SYNPO2: variants seen among roughly 807,000 people sequenced by gnomAD.
SYNPO2 encodes synaptopodin-2.
In SYNPO2, 56 loss-of-function variants were observed where a neutral mutation model predicts 85.0. That is an observed-to-expected ratio of 0.66 (90% CI 0.53 to 0.82). The LOEUF (loss-of-function observed/expected upper bound fraction) is 0.82. SYNPO2 is among the 40% of genes least tolerant of loss of function. The pLI, the probability that SYNPO2 is intolerant of heterozygous loss-of-function variation, is 0.00. For synonymous variants in SYNPO2, 602 were observed against 591.1 expected, an observed-to-expected ratio of 1.02 and a Z score of -0.27; for missense variants, 1,575 against 1,534.2, an observed-to-expected ratio of 1.03 and a Z score of -0.44.
rs1738338092 is a variant in SYNPO2, at chr4:119,032,801, C to A, written c.3252+774C>A. ...TTGGGAGGCTGAGGTAGGAGGACTGCTTGAGGCCGGGAGTTGGAGACCAGC... is the reference window on the plus strand; with the variant it reads ...TTGGGAGGCTGAGGTAGGAGGACTGATTGAGGCCGGGAGTTGGAGACCAGC... On this transcript the variant is annotated intron_variant, in intron 4 of 4. Transcript: ENST00000307142. The A allele has an allele frequency of 1.0e-5, 9 of 873,750 alleles. No individual in the cohort carries two copies. In the South Asian group the frequency reaches 4.2e-4, roughly 41 times the overall value. The allele number at this position is 873,750 out of a possible 1,614,324, so 54.1% of individuals were successfully genotyped here. A position where few individuals can be genotyped will look rare whatever the true frequency, so the allele number is the denominator to read the frequency against.
Position 119,031,786 on chromosome 4 carries a change from A to AAGCT in SYNPO2, c.3012_3015dup (p.Leu1006SerfsTer109). The AAGCT allele has an allele frequency of 6.2e-7, 1 of 1,614,184 alleles. No homozygotes were observed. The highest frequency in any genetic ancestry group is 8.5e-7 in the Non-Finnish European group (1 of 1,180,026). ...GTCAATTCAGCCCTGGCCATGAAGC[A>AAGCT]AGCTCTTCCTCCCCGGCCAGTGAAT... is the stretch of plus-strand genomic sequence containing the variant. On this transcript the variant is annotated frameshift_variant, in exon 4 of 5. Coordinates refer to ENST00000307142, the MANE Select transcript of SYNPO2 (RefSeq NM_133477.3). LOFTEE classifies it high-confidence loss of function.
At chr4:118,895,488 A>G (rs1428721424) in intron 1 of SYNPO2, among the ~76,000 whole-genome samples, 1 of 152,140 alleles carries the variant, frequency 6.6e-6, no homozygotes, top group Admixed American at 6.5e-5. Flanking sequence ...GAGCATGTGT[A>G]TGGTTTCTTC....
intron 1 of SYNPO2, among the ~76,000 whole-genome samples, chr4:118,990,497 G>A (rs1367420804): frequency 6.6e-6 from 1 of 152,182 alleles, no homozygotes; most frequent in African/African-American, 2.4e-5. Flanking sequence ...GAACAAAACA[G>A]ACATGGTCCT....
At chr4:119,036,092 A>G (rs1430259816) in intron 4 of SYNPO2, 3 of 985,286 alleles carry the variant, frequency 3.0e-6, no homozygotes, top group Non-Finnish European at 3.6e-6. Flanking sequence ...GGCTCCTGCA[A>G]GCACCCCCAT....
intron 1 of SYNPO2, among the ~76,000 whole-genome samples, chr4:118,855,708 T>A (rs1415949110): frequency 6.6e-6 from 1 of 152,178 alleles, no homozygotes; most frequent in Non-Finnish European, 1.5e-5. Flanking sequence ...ATATTAGAGA[T>A]GTTTATGACT....
intron 4 of SYNPO2, among the ~76,000 whole-genome samples, chr4:119,040,439 T>A (rs1308626032): frequency 6.6e-6 from 1 of 152,252 alleles, no homozygotes; most frequent in Non-Finnish European, 1.5e-5. Flanking sequence ...ATTCAGCCTG[T>A]TTGTCCATTT....
At chr4:119,022,249 A>G (rs1737749790) in intron 1 of SYNPO2, among the ~76,000 whole-genome samples, 1 of 152,100 alleles carries the variant, frequency 6.6e-6, no homozygotes, top group Non-Finnish European at 1.5e-5. Context: ...TCACCTTGGC[A>G]ATGGGAAGGA....
rs551221736 is a variant in SYNPO2, at chr4:118,977,278, C to T, written c.106-46152C>T. Among the ~76,000 whole-genome samples, 264 of 152,370 alleles carry T rather than the reference C, an allele frequency of 1.7e-3. 1 individual carries two copies. The highest frequency in any genetic ancestry group is 6.3e-3 in the African/African-American group (262 of 41,590). ...GCTGGGGGACTCAGTACACCCTCTG[C>T]AGCCACTGGCCTGGGTGCTAAGTCC... On this transcript the variant is annotated intron_variant, in intron 1 of 4. Coordinates refer to ENST00000307142, the MANE Select transcript of SYNPO2 (RefSeq NM_133477.3).
intron 1 of SYNPO2, among the ~76,000 whole-genome samples, chr4:119,012,309 G>A (rs1188566327): frequency 6.6e-6 from 1 of 151,338 alleles, no homozygotes. Context: ...GTGATCTTTA[G>A]CCTGAATTGG....
chr4:118,888,263 TTC>T (rs1156575565), upstream of SYNPO2, among the ~76,000 whole-genome samples: 1 of 152,226 alleles, frequency 6.6e-6, no homozygotes, highest in Non-Finnish European at 1.5e-5. Flanking sequence ...CATATTCATT[TTC>T]TCTCTTTCTC....
At chr4:118,973,666 T>C (rs773375441) in intron 1 of SYNPO2, among the ~76,000 whole-genome samples, 1 of 152,166 alleles carries the variant, frequency 6.6e-6, no homozygotes, top group Admixed American at 6.5e-5. Flanking sequence ...CAAATGCCAG[T>C]TCATAGCCAA....
chr4:119,027,473 G>A, intron 3 of SYNPO2, 35 bp downstream of exon 3: 2 of 1,503,066 alleles, frequency 1.3e-6, no homozygotes, highest in Non-Finnish European at 8.9e-7. Flanking sequence ...AGGGGCTTGG[G>A]AGTTGGGGGC....
chr4:118,975,069 C>A (rs1486398434), intron 1 of SYNPO2, among the ~76,000 whole-genome samples: 5 of 152,202 alleles, frequency 3.3e-5, no homozygotes, highest in Admixed American at 1.3e-4. Flanking sequence ...AGTAATCCAA[C>A]CTTACTTTCA....
intron 1 of SYNPO2, among the ~76,000 whole-genome samples, chr4:118,933,317 C>T (rs1733991764): frequency 6.6e-6 from 1 of 152,154 alleles, no homozygotes; most frequent in African/African-American, 2.4e-5. Flanking sequence ...AATATTTCTA[C>T]AGCATTTTGG....
At chr4:118,927,758 G>GAC in intron 1 of SYNPO2, among the ~76,000 whole-genome samples, 3 of 131,580 alleles carry the variant, frequency 2.3e-5, no homozygotes, top group Non-Finnish European at 5.0e-5. Context: ...ATGATAGATA[G>GAC]ATATATAGAT....
intron 2 of SYNPO2, among the ~76,000 whole-genome samples, chr4:119,026,065 C>T (rs1256907332): frequency 3.9e-5 from 6 of 152,190 alleles, no homozygotes; most frequent in African/African-American, 9.7e-5. Context: ...TTTCTCTTTA[C>T]GCAAGAGTAC....
intron 1 of SYNPO2, among the ~76,000 whole-genome samples, chr4:118,982,164 AG>A (rs1736047121): frequency 6.6e-6 from 1 of 152,118 alleles, no homozygotes; most frequent in Non-Finnish European, 1.5e-5. Context: ...GTGGTTGCAA[AG>A]TTTTTTTTTT....
chr4:119,037,324 T>A, intron 4 of SYNPO2: 1 of 1,280,486 alleles, frequency 7.8e-7, no homozygotes. Context: ...CAAAAGATTG[T>A]ACTTGGCCCT....
chr4:118,993,858 CA>C (rs1271191587), intron 1 of SYNPO2, among the ~76,000 whole-genome samples: 2 of 152,042 alleles, frequency 1.3e-5, no homozygotes, highest in Non-Finnish European at 2.9e-5. Context: ...AAATATATTC[CA>C]TTATCATGTT....
Sources: gnomAD v4.1 joint callset for allele counts (sites outside exome capture counted in the v4.1 genomes callset) on GRCh38, gnomAD v4.1.1 for gene constraint, MANE v1.5 for transcripts, NCBI Gene and HGNC (gene_info 2026-07-23, HGNC 2026-07-21) for gene names.